The following CNTN4 variants were observed in gnomAD, a reference collection of about 807,000 sequenced individuals.
CNTN4 encodes contactin 4.
A neutral mutation model predicts 122.5 loss-of-function variants in CNTN4; 77 were observed. The observed-to-expected ratio is 0.63, with a 90% CI of 0.52 to 0.76. CNTN4 has a LOEUF of 0.76. CNTN4 is among the 30% of genes least tolerant of loss of function. The pLI, the probability that CNTN4 is intolerant of heterozygous loss-of-function variation, is 0.00. For synonymous variants in CNTN4, 512 were observed against 447.0 expected (o/e 1.15, Z -1.83); for missense variants, 1,256 against 1,259.1 (o/e 1.00, Z 0.04).
intron 2 of CNTN4, among the ~76,000 whole-genome samples, chr3:2,208,950 A>T (rs1430044872): frequency 6.6e-6 from 1 of 152,154 alleles, no homozygotes; most frequent in African/African-American, 2.4e-5. Flanking sequence ...TGTAGTGTAA[A>T]TGTGACTTAT....
chr3:2,114,454 T>C (rs2033196927), intron 2 of CNTN4, among the ~76,000 whole-genome samples: 1 of 152,006 alleles, frequency 6.6e-6, no homozygotes, highest in Non-Finnish European at 1.5e-5. Context: ...AGCAAGACCT[T>C]GTCTCAAAAA....
intron 4 of CNTN4, among the ~76,000 whole-genome samples, chr3:2,680,139 A>G (rs913917068): frequency 2.0e-5 from 3 of 152,228 alleles, no homozygotes; most frequent in Non-Finnish European, 4.4e-5. Context: ...ATACAATACA[A>G]AAGAAACTCA....
intron 4 of CNTN4, among the ~76,000 whole-genome samples, chr3:2,580,031 G>C (rs2079864218): frequency 1.3e-5 from 1 of 76,820 alleles, no homozygotes; most frequent in African/African-American, 3.7e-5. Flanking sequence ...AATTGGTTAA[G>C]CTTGTATGTG....
In CNTN4 at chr3:3,001,672, T is replaced by C. The variant is rs1696062043; in HGVS notation, c.1486+13200T>C. ...ATACTGCCACATCCTCTGTAAGCATTTGACACGCAGTATTAAGTGGGTCTC... is the reference window on the plus strand; with the variant it reads ...ATACTGCCACATCCTCTGTAAGCATCTGACACGCAGTATTAAGTGGGTCTC... On this transcript the variant is annotated intron_variant, in intron 14 of 24. Transcript: ENST00000418658. 2.0e-5 allele frequency among the ~76,000 whole-genome samples: 3 copies of C among 152,318 alleles called. No individual in the cohort carries two copies. In the South Asian group the frequency reaches 6.2e-4, roughly 32 times the overall value.
intron 4 of CNTN4, among the ~76,000 whole-genome samples, chr3:2,710,025 T>C (rs755953630): frequency 6.6e-6 from 1 of 152,248 alleles, no homozygotes; most frequent in Non-Finnish European, 1.5e-5. Context: ...GTCATTAGTT[T>C]TCCTCTTGAA....
At chr3:2,167,968 T>C (rs74479932) in intron 2 of CNTN4, among the ~76,000 whole-genome samples, 13,411 of 152,136 alleles carry the variant, frequency 0.088, 1,138 homozygotes, top group East Asian at 0.32. Context: ...GAAGACTCCA[T>C]CTCTACAAAA....
At chr3:2,207,563 G>A (rs2038415709) in intron 2 of CNTN4, among the ~76,000 whole-genome samples, 1 of 152,094 alleles carries the variant, frequency 6.6e-6, no homozygotes, top group African/African-American at 2.4e-5. Flanking sequence ...CCCTAATCCA[G>A]AGCCAGGAAC....
chr3:2,126,015 C>T (rs1392257546), intron 2 of CNTN4, among the ~76,000 whole-genome samples: 4 of 151,990 alleles, frequency 2.6e-5, no homozygotes, highest in Admixed American at 2.6e-4. Context: ...CACTAATTGT[C>T]ACTCTGTTAT....
intron 5 of CNTN4, among the ~76,000 whole-genome samples, chr3:2,736,769 C>T (rs1462425242): frequency 7.3e-6 from 1 of 137,840 alleles, no homozygotes; most frequent in Middle Eastern, 3.5e-3. Flanking sequence ...GGACCAAGAG[C>T]TTTTATTTAT....
intron 13 of CNTN4, among the ~76,000 whole-genome samples, chr3:2,927,903 A>G (rs1004612415): frequency 3.3e-5 from 5 of 152,214 alleles, no homozygotes; most frequent in African/African-American, 7.2e-5. Context: ...CTTATTCTCC[A>G]CATGAGTGCT....
At chr3:2,923,700 C>T (rs1252452470) in intron 12 of CNTN4, among the ~76,000 whole-genome samples, 1 of 152,140 alleles carries the variant, frequency 6.6e-6, no homozygotes, top group Non-Finnish European at 1.5e-5. Flanking sequence ...ATCAAGCTAC[C>T]TTCTCATGCA....
intron 19 of CNTN4, 176 bp downstream of exon 19, chr3:3,039,179 C>T (rs1203413074): frequency 7.9e-6 from 5 of 631,280 alleles, no homozygotes; most frequent in Admixed American, 4.8e-5. Flanking sequence ...GGCACTTGCC[C>T]ATCCATTGTT....
At chr3:2,412,056 A>G (rs1373885166) in intron 3 of CNTN4, among the ~76,000 whole-genome samples, 4 of 152,240 alleles carry the variant, frequency 2.6e-5, no homozygotes, top group East Asian at 3.9e-4. Flanking sequence ...TGGACTTCAT[A>G]TAGGTGGAAT....
chr3:2,262,799 A>G (rs1302627393), intron 2 of CNTN4, among the ~76,000 whole-genome samples: 4 of 152,132 alleles, frequency 2.6e-5, no homozygotes, highest in Non-Finnish European at 4.4e-5. Context: ...AATGAGATAC[A>G]ACTATATTTT....
At chr3:2,284,595 T>A (rs150341810) in intron 2 of CNTN4, among the ~76,000 whole-genome samples, 1 of 152,102 alleles carries the variant, frequency 6.6e-6, no homozygotes, top group East Asian at 1.9e-4. Context: ...AGGGAGGAGT[T>A]GGTTATGTAA....
At chr3:2,736,427 A>C in intron 5 of CNTN4, 86 bp downstream of exon 5, 1 of 873,632 alleles carries the variant, frequency 1.1e-6, no homozygotes, top group Non-Finnish European at 1.6e-6. Context: ...TGGTTACATA[A>C]AGAGCTTTTA....
At chr3:2,482,681 G>A (rs1040771439) in intron 3 of CNTN4, among the ~76,000 whole-genome samples, 1 of 152,176 alleles carries the variant, frequency 6.6e-6, no homozygotes, top group African/African-American at 2.4e-5. Context: ...AGCCACTCCG[G>A]CCGTGGCTAA....
intron 2 of CNTN4, among the ~76,000 whole-genome samples, chr3:2,112,182 G>T (rs576427379): frequency 2.0e-5 from 3 of 152,170 alleles, no homozygotes; most frequent in Non-Finnish European, 4.4e-5. Context: ...TACTGAATAG[G>T]CTCTCATCTG....
At chr3:2,293,293 G>C (rs2042197105) in intron 2 of CNTN4, among the ~76,000 whole-genome samples, 1 of 152,190 alleles carries the variant, frequency 6.6e-6, no homozygotes, top group African/African-American at 2.4e-5. Flanking sequence ...CTTATACTGT[G>C]ACCCTGAAGA....
Sources: allele counts gnomAD v4.1 joint callset (sites outside exome capture counted in the v4.1 genomes callset), GRCh38; gene constraint gnomAD v4.1.1; transcripts MANE v1.5; gene names NCBI Gene and HGNC (gene_info 2026-07-23, HGNC 2026-07-21).